PARD3: variants seen among roughly 807,000 people sequenced by gnomAD.
The protein encoded by PARD3 is partitioning defective 3 homolog.
In PARD3, 75 loss-of-function variants were observed where a neutral mutation model predicts 155.4. That is an observed-to-expected ratio of 0.48 (90% CI 0.40 to 0.58). The LOEUF (loss-of-function observed/expected upper bound fraction) is 0.58, where lower values mean the gene tolerates loss of function less well. Among genes scored for constraint, PARD3 ranks in the 20% least tolerant of loss-of-function variants. The probability of loss-of-function intolerance (pLI) is 0.00; values close to 1 mark genes in which losing one functional copy is unlikely to be tolerated. For missense variants in PARD3, 1,642 were observed against 1,721.7 expected (o/e 0.95, Z 0.82); for synonymous variants, 576 against 610.5 (o/e 0.94, Z 0.83).
intron 1 of PARD3, among the ~76,000 whole-genome samples, chr10:34,743,269 T>C (rs1413056088): frequency 6.6e-6 from 1 of 152,236 alleles, no homozygotes; most frequent in Non-Finnish European, 1.5e-5. Flanking sequence ...ACTGGTTTCC[T>C]AAGGAACTAG....
chr10:34,359,156 C>G lies in PARD3; in HGVS notation c.2058G>C (p.Lys686Asn). 3 of 1,611,390 alleles carry G rather than the reference C, an allele frequency of 1.9e-6. No individual in the cohort carries two copies. The highest frequency in any genetic ancestry group is 2.5e-6 in the Non-Finnish European group (3 of 1,179,062). ...TTTTTGCATTTCTTACCTCATTGCA[C>G]TTGCTTATTCTCCTTGCAACAATAA... ...IQLIVARRIS[K>N]CNELKSPGSP... The change falls in exon 14 of 25, where the codon AAG becomes AAC. Residue 686 changes from lysine to asparagine, a missense_variant. Physicochemically the swap from Lys to Asn is moderately conservative, Grantham distance 94. Coordinates refer to ENST00000374788, the MANE Select transcript of PARD3 (RefSeq NM_001184785.2).
Position 34,555,400 on chromosome 10 carries a change from TTTTCTTC to T in PARD3, c.223-38248_223-38242del, listed in dbSNP as rs552383546. Reference sequence around the variant, plus strand: ...TTTTTACTTGAAAATGATGGGAAGTTTTTCTTCTGTTTTGGAATTCACTTAGAATACA... The same window carrying T: ...TTTTTACTTGAAAATGATGGGAAGTTTGTTTTGGAATTCACTTAGAATACA... On this transcript the variant is annotated intron_variant, in intron 2 of 24. Coordinates refer to ENST00000374788, the MANE Select transcript of PARD3 (RefSeq NM_001184785.2). 5.9e-5 allele frequency among the ~76,000 whole-genome samples: 9 copies of T among 152,242 alleles called. No individual in the cohort carries two copies. The South Asian group carries it at 1.9e-3, about 32-fold the overall frequency.
At chr10:34,134,041 C>G (rs1463807321) in intron 22 of PARD3, among the ~76,000 whole-genome samples, 1 of 152,208 alleles carries the variant, frequency 6.6e-6, no homozygotes, top group African/African-American at 2.4e-5. Flanking sequence ...CTTGACGACA[C>G]AAGGCTTCAG....
intron 2 of PARD3, among the ~76,000 whole-genome samples, chr10:34,606,882 G>A (rs1453943838): frequency 1.3e-5 from 2 of 148,634 alleles, no homozygotes; most frequent in Non-Finnish European, 3.0e-5. Flanking sequence ...CAGGAGAATC[G>A]CTTGAACCCA....
At chr10:34,298,296 A>G (rs943412633) in intron 20 of PARD3, among the ~76,000 whole-genome samples, 1 of 152,250 alleles carries the variant, frequency 6.6e-6, no homozygotes. Context: ...CACTGAGGAT[A>G]GAAACACATG....
intron 21 of PARD3, among the ~76,000 whole-genome samples, chr10:34,273,341 A>G (rs1955719699): frequency 6.6e-6 from 1 of 152,226 alleles, no homozygotes; most frequent in African/African-American, 2.4e-5. Context: ...ACATACAGCA[A>G]CTTGAATCTG....
At chr10:34,427,811 T>C (rs140441245) in intron 5 of PARD3, among the ~76,000 whole-genome samples, 1 of 151,948 alleles carries the variant, frequency 6.6e-6, no homozygotes. Context: ...TTAGGGAAAA[T>C]ATAAAAGAAA....
At chr10:34,725,307 T>C (rs886607095) in intron 1 of PARD3, among the ~76,000 whole-genome samples, 2 of 151,986 alleles carry the variant, frequency 1.3e-5, no homozygotes, top group African/African-American at 4.8e-5. Context: ...TGCCTGCCAC[T>C]ACGCCTGGCT....
intron 2 of PARD3, among the ~76,000 whole-genome samples, chr10:34,608,990 A>G (rs2090683609): frequency 6.6e-6 from 1 of 152,228 alleles, no homozygotes; most frequent in Non-Finnish European, 1.5e-5. Flanking sequence ...GACCTTGGGC[A>G]TCTTCAGATT....
chr10:34,128,904 G>A (rs1015280472), intron 23 of PARD3, among the ~76,000 whole-genome samples: 66 of 152,056 alleles, frequency 4.3e-4, no homozygotes, highest in South Asian at 2.1e-4. Context: ...GGCCCCACCC[G>A]TAAAGGTTTA....
At chr10:34,778,639 C>G (rs774832665) in intron 1 of PARD3, among the ~76,000 whole-genome samples, 1 of 103,180 alleles carries the variant, frequency 9.7e-6, no homozygotes, top group Non-Finnish European at 2.2e-5. Context: ...CTACACTGTT[C>G]AGAAGATCTA....
In PARD3 at chr10:34,119,660, C is replaced by T; in HGVS notation, c.3621G>A (p.Glu1207=). 1 of 1,610,764 alleles carries T rather than the reference C, an allele frequency of 6.2e-7. No homozygotes were observed. The highest frequency in any genetic ancestry group is 8.5e-7 in the Non-Finnish European group (1 of 1,178,972). Residue 1207 remains glutamate, a synonymous_variant, in exon 24 of 25, where the codon GAG becomes GAA. Transcript: ENST00000374788. ...GCTGGGCCTGCTGGGAGCTCTCGCG[C>T]TCCTCCTGCCGCTGCCGCTGCATCT... ...EVQMQRQRQE[E]RESSQQAQRQ...
chr10:34,509,739 T>C (rs2081291105), intron 3 of PARD3, among the ~76,000 whole-genome samples: 1 of 152,202 alleles, frequency 6.6e-6, no homozygotes, highest in African/African-American at 2.4e-5. Context: ...TGAATAGCTC[T>C]TCTGCTTTGC....
intron 2 of PARD3, among the ~76,000 whole-genome samples, chr10:34,609,426 A>G (rs955485742): frequency 2.0e-5 from 3 of 152,226 alleles, no homozygotes; most frequent in Admixed American, 6.5e-5. Context: ...CAATCTCAAT[A>G]CTGTCAAGAC....
chr10:34,594,094 C>A (rs1351184883), intron 2 of PARD3, among the ~76,000 whole-genome samples: 1 of 152,152 alleles, frequency 6.6e-6, no homozygotes, highest in African/African-American at 2.4e-5. Context: ...AGCACTCAGA[C>A]TATAGCTTCT....
chr10:34,418,422 C>A (rs549983357), intron 5 of PARD3, among the ~76,000 whole-genome samples: 1 of 152,266 alleles, frequency 6.6e-6, no homozygotes, highest in African/African-American at 2.4e-5. Context: ...AATCTGCCCA[C>A]GTAGGCCTCC....
At chr10:34,377,865 T>A in intron 10 of PARD3, 102 bp downstream of exon 10, 1 of 887,976 alleles carries the variant, frequency 1.1e-6, no homozygotes, top group Non-Finnish European at 1.6e-6. Context: ...CTAAAATGTA[T>A]ATAACTGAAT....
intron 2 of PARD3, among the ~76,000 whole-genome samples, chr10:34,594,419 T>C (rs1244623429): frequency 1.3e-5 from 2 of 152,200 alleles, no homozygotes; most frequent in Middle Eastern, 3.2e-3. Context: ...AATATTTTTA[T>C]TAACTGTGTG....
At chr10:34,115,538 T>C (rs1946620615) in intron 24 of PARD3, among the ~76,000 whole-genome samples, 2 of 152,136 alleles carry the variant, frequency 1.3e-5, no homozygotes, top group African/African-American at 2.4e-5. Flanking sequence ...GTATAGTTAA[T>C]AACAGAGTAT....
Sources: gnomAD v4.1 joint callset for allele counts (sites outside exome capture counted in the v4.1 genomes callset) on GRCh38, gnomAD v4.1.1 for gene constraint, MANE v1.5 for transcripts, NCBI Gene and HGNC (gene_info 2026-07-23, HGNC 2026-07-21) for gene names.